Variants in CRKL observed in about 807,000 individuals in gnomAD.
CRKL encodes crk-like protein.
Under a neutral mutation model 23.0 loss-of-function variants are expected in CRKL, and 3 were observed. The observed-to-expected ratio is 0.13, with a 90% CI of 0.06 to 0.34. The LOEUF is 0.34. Among genes scored for constraint, CRKL ranks in the 10% least tolerant of loss-of-function variants. CRKL has a pLI of 1.00. For synonymous variants in CRKL, 188 were observed against 160.7 expected, an observed-to-expected ratio of 1.17 and a Z score of -1.28; for missense variants, 256 against 394.5, an observed-to-expected ratio of 0.65 and a Z score of 2.97.
chr22:20,937,207 T>C (rs1056829860), intron 2 of CRKL, among the ~76,000 whole-genome samples: 1 of 152,182 alleles, frequency 6.6e-6, no homozygotes, highest in Non-Finnish European at 1.5e-5. Context: ...GGTGCATGCC[T>C]CTGGCCTGGT....
intron 2 of CRKL, among the ~76,000 whole-genome samples, chr22:20,939,367 A>G (rs935968210): frequency 6.6e-6 from 1 of 150,574 alleles, no homozygotes; most frequent in Admixed American, 6.7e-5. Flanking sequence ...CAGCCTCCGG[A>G]GTAGCTGGGA....
At chr22:20,919,380 A>C (rs1461876425) in intron 1 of CRKL, among the ~76,000 whole-genome samples, 2 of 152,156 alleles carry the variant, frequency 1.3e-5, no homozygotes, top group Non-Finnish European at 2.9e-5. Flanking sequence ...TTTGAATGAC[A>C]CTTAGTTGTA....
At chr22:20,939,117 C>CTTT (rs1348029076) in intron 2 of CRKL, among the ~76,000 whole-genome samples, 1 of 151,860 alleles carries the variant, frequency 6.6e-6, no homozygotes, top group Non-Finnish European at 1.5e-5. Flanking sequence ...TCCAAAAAAA[C>CTTT]ATTCACTTCA....
intron 2 of CRKL, among the ~76,000 whole-genome samples, chr22:20,937,497 G>A (rs1050573186): frequency 2.0e-5 from 3 of 148,772 alleles, no homozygotes; most frequent in Non-Finnish European, 4.4e-5. Flanking sequence ...TCACTGGAGC[G>A]AGTACTAGGA....
At chr22:20,928,804 T>TC (rs1921325973) in intron 1 of CRKL, among the ~76,000 whole-genome samples, 2 of 89,422 alleles carry the variant, frequency 2.2e-5, no homozygotes, top group Admixed American at 3.6e-4. Flanking sequence ...CAGAACGAGA[T>TC]CCCATCTCAA....
intron 1 of CRKL, among the ~76,000 whole-genome samples, chr22:20,924,662 C>A (rs531332040): frequency 6.6e-6 from 1 of 150,994 alleles, no homozygotes; most frequent in African/African-American, 2.4e-5. Flanking sequence ...TGAGACCAGC[C>A]TGGGCAACAC....
At chr22:20,944,060 C>T (rs546809695) in intron 2 of CRKL, among the ~76,000 whole-genome samples, 1 of 150,092 alleles carries the variant, frequency 6.7e-6, no homozygotes, top group African/African-American at 2.5e-5. Flanking sequence ...ATTGGTTTTC[C>T]CATTGCTGCA....
intron 2 of CRKL, among the ~76,000 whole-genome samples, chr22:20,948,965 G>T (rs1022314805): frequency 5.3e-5 from 8 of 152,104 alleles, no homozygotes; most frequent in Non-Finnish European, 1.0e-4. Flanking sequence ...ACCACCTGAA[G>T]GTCTTTTTTT....
At chr22:20,933,341 G>T (rs1225296635) in intron 1 of CRKL, among the ~76,000 whole-genome samples, 4 of 151,742 alleles carry the variant, frequency 2.6e-5, no homozygotes, top group Non-Finnish European at 5.9e-5. Context: ...CTGCACTCCA[G>T]CCTGGGCAAC....
chr22:20,923,478 C>A (rs574683694), intron 1 of CRKL, among the ~76,000 whole-genome samples: 1 of 151,732 alleles, frequency 6.6e-6, no homozygotes, highest in Non-Finnish European at 1.5e-5. Context: ...GGGGTTTCAC[C>A]GTGTTAGCCA....
At chr22:20,941,588 A>ATATATATT (rs1247116681) in intron 2 of CRKL, among the ~76,000 whole-genome samples, 7 of 33,554 alleles carry the variant, frequency 2.1e-4, no homozygotes, top group African/African-American at 8.5e-4. Context: ...GTATATATAT[A>ATATATATT]TTTTTTTTTT....
intron 1 of CRKL, among the ~76,000 whole-genome samples, chr22:20,919,787 T>C (rs1210109863): frequency 6.6e-6 from 1 of 152,020 alleles, no homozygotes; most frequent in Non-Finnish European, 1.5e-5. Flanking sequence ...ACTTTAAACA[T>C]TAAAAGCTAT....
chr22:20,942,460 A>G (rs1273367443), intron 2 of CRKL, among the ~76,000 whole-genome samples: 2 of 152,172 alleles, frequency 1.3e-5, no homozygotes, highest in South Asian at 2.1e-4. Flanking sequence ...CGTTTTGTTA[A>G]TCCATTTATC....
rs772957858 is a variant in CRKL at position 20,917,893 on chromosome 22, C to T, written c.-42C>T. ...CTAAGGCGTGCAGAGCAGGCGAGGA[C>T]AGCCGCCGCCCCTACCGCCGCAGAG... is the stretch of plus-strand genomic sequence containing the variant. On this transcript the variant is annotated 5_prime_UTR_variant, in exon 1 of 3. Coordinates refer to ENST00000354336, the MANE Select transcript of CRKL (RefSeq NM_005207.4). 3 of 1,585,896 alleles carry T rather than the reference C, an allele frequency of 1.9e-6. No homozygotes were observed. The highest frequency in any genetic ancestry group is 2.6e-6 in the Non-Finnish European group (3 of 1,165,778).
chr22:20,945,837 C>T (rs994141034), intron 2 of CRKL, among the ~76,000 whole-genome samples: 1 of 150,420 alleles, frequency 6.6e-6, no homozygotes, highest in Admixed American at 6.6e-5. Flanking sequence ...TCACGGCCTA[C>T]ACATAGATGT....
intron 1 of CRKL, among the ~76,000 whole-genome samples, chr22:20,920,354 T>G (rs1397325391): frequency 1.3e-5 from 2 of 151,842 alleles, no homozygotes; most frequent in African/African-American, 2.4e-5. Context: ...TACAAAAAAT[T>G]AGCTGGGCGT....
chr22:20,940,272 TG>T (rs1270608365), intron 2 of CRKL, among the ~76,000 whole-genome samples: 2 of 152,178 alleles, frequency 1.3e-5, no homozygotes, highest in Non-Finnish European at 2.9e-5. Flanking sequence ...GACTTGTTCT[TG>T]GTGGGCTCAT....
intron 1 of CRKL, among the ~76,000 whole-genome samples, chr22:20,930,883 C>T (rs748545486): frequency 4.6e-5 from 7 of 151,104 alleles, no homozygotes; most frequent in African/African-American, 7.3e-5. Context: ...AGGGTTTCAC[C>T]GTGTTAGCCA....
chr22:20,931,904 C>CGGG (rs771902541), intron 1 of CRKL, among the ~76,000 whole-genome samples: 28 of 151,954 alleles, frequency 1.8e-4, no homozygotes, highest in Non-Finnish European at 3.7e-4. Context: ...CTCCGCCTCC[C>CGGG]GGGCTCACAC....
Sources: allele counts gnomAD v4.1 joint callset (sites outside exome capture counted in the v4.1 genomes callset), GRCh38; gene constraint gnomAD v4.1.1; transcripts MANE v1.5; gene names NCBI Gene and HGNC (gene_info 2026-07-23, HGNC 2026-07-21).